The following TBCK variants were observed in gnomAD, a reference collection of about 807,000 sequenced individuals.
TBCK encodes TBC1 domain containing kinase.
Under a neutral mutation model 113.4 loss-of-function variants are expected in TBCK, and 99 were observed. The ratio of observed to expected loss-of-function variants is 0.87; its 90% confidence interval spans 0.74 to 1.03. TBCK has a LOEUF of 1.03. TBCK is among the 50% of genes least tolerant of loss of function. The pLI, the probability that TBCK is intolerant of heterozygous loss-of-function variation, is 0.00. For synonymous variants in TBCK, 369 were observed against 370.8 expected, an observed-to-expected ratio of 1.00 and a Z score of 0.05; for missense variants, 1,045 against 1,061.3, an observed-to-expected ratio of 0.98 and a Z score of 0.21.
chr4:106,100,345 T>C lies in TBCK; in HGVS notation c.2412-4704A>G, dbSNP rs570829482. On this transcript the variant is annotated intron_variant, in intron 24 of 25. Coordinates refer to ENST00000394708, the MANE Select transcript of TBCK (RefSeq NM_001163435.3). The stretch of plus-strand genomic sequence containing the variant: ...GAGTAACTAGTATCGGCAGCAAATA[T>C]GCTAAGGTGCCTTCTGGCCACCCCA... Among the ~76,000 whole-genome samples, 40 of 151,754 alleles carry C rather than the reference T, an allele frequency of 2.6e-4. No individual in the cohort carries two copies. The South Asian group carries it at 8.1e-3, about 31-fold the overall frequency.
chr4:106,254,942 C>A, intron 5 of TBCK: 1 of 163,100 alleles, frequency 6.1e-6, no homozygotes, highest in Non-Finnish European at 1.3e-5. Flanking sequence ...TCAAAACATA[C>A]ATACCTTTTA....
intron 20 of TBCK, among the ~76,000 whole-genome samples, chr4:106,208,094 C>G (rs1018956162): frequency 6.6e-6 from 1 of 152,136 alleles, no homozygotes; most frequent in African/African-American, 2.4e-5. Flanking sequence ...TCCTATCCCA[C>G]AAAGAATTAC....
At chr4:106,292,096 C>A (rs1348644323) in intron 3 of TBCK, among the ~76,000 whole-genome samples, 2 of 152,174 alleles carry the variant, frequency 1.3e-5, no homozygotes, top group African/African-American at 4.8e-5. Flanking sequence ...TCGGTATATG[C>A]AGACACAGCG....
At chr4:106,299,509 A>G (rs1297108886) in intron 2 of TBCK, among the ~76,000 whole-genome samples, 1 of 152,210 alleles carries the variant, frequency 6.6e-6, no homozygotes, top group Non-Finnish European at 1.5e-5. Flanking sequence ...CATCATAAAC[A>G]AGTGTTTGCC....
intron 22 of TBCK, among the ~76,000 whole-genome samples, chr4:106,175,078 G>C (rs922351642): frequency 1.3e-4 from 20 of 149,864 alleles, no homozygotes; most frequent in African/African-American, 4.9e-4. Context: ...AGTGAGCAGT[G>C]ATCACGCCTG....
rs1292625689 is a variant in TBCK at position 106,043,176 on chromosome 4, A to G, written c.*3394T>C. The G allele has an allele frequency of 2.0e-5, 3 of 152,152 alleles. No individual in the cohort carries two copies. Among genetic ancestry groups the G allele is most frequent in the Non-Finnish European group, 4.4e-5 (3 of 68,022 alleles). 9.4% of individuals were successfully genotyped at this position (152,152 alleles called of 1,614,324 possible). A position where few individuals can be genotyped will look rare whatever the true frequency, so the allele number is the denominator to read the frequency against. On this transcript the variant is annotated 3_prime_UTR_variant, in exon 26 of 26. Coordinates refer to ENST00000394708, the MANE Select transcript of TBCK (RefSeq NM_001163435.3). Reference sequence around the variant, plus strand: ...TTTCAAACTTGGTTAAGCATTAGTTATTTTTAATATGCTTTTTGAATCTAA... The same window carrying G: ...TTTCAAACTTGGTTAAGCATTAGTTGTTTTTAATATGCTTTTTGAATCTAA...
At chr4:106,197,341 A>AGTGTGTGTGT (rs34095868) in intron 20 of TBCK, among the ~76,000 whole-genome samples, 119 of 142,342 alleles carry the variant, frequency 8.4e-4, no homozygotes, top group Middle Eastern at 3.5e-3. Context: ...ATTACTGAAG[A>AGTGTGTGTGT]GTGTGTGTGT....
intron 2 of TBCK, among the ~76,000 whole-genome samples, chr4:106,303,037 T>C (rs547266268): frequency 1.3e-5 from 2 of 152,328 alleles, no homozygotes; most frequent in East Asian, 3.9e-4. Context: ...TTCACAGTTC[T>C]CTTTAAGCAA....
chr4:106,304,708 G>C (rs1490859045), intron 2 of TBCK, among the ~76,000 whole-genome samples: 3 of 152,126 alleles, frequency 2.0e-5, no homozygotes, highest in Non-Finnish European at 4.4e-5. Context: ...TAAGGATTTT[G>C]AGTGAAGGCA....
At chr4:106,231,971 A>G (rs1195881801) in intron 17 of TBCK, among the ~76,000 whole-genome samples, 192 bp from the exon 18 acceptor site, 1 of 151,826 alleles carries the variant, frequency 6.6e-6, no homozygotes, top group African/African-American at 2.4e-5. Flanking sequence ...TATGTGTCCA[A>G]TATGAATCAG....
chr4:106,237,544 G>C (rs1463744286), intron 12 of TBCK: 2 of 455,342 alleles, frequency 4.4e-6, no homozygotes, highest in Non-Finnish European at 8.8e-6. Flanking sequence ...TGCTCCTATG[G>C]GGATTGACAT....
At chr4:106,121,903 A>G (rs1312599695) in intron 23 of TBCK, among the ~76,000 whole-genome samples, 1 of 152,204 alleles carries the variant, frequency 6.6e-6, no homozygotes, top group African/African-American at 2.4e-5. Flanking sequence ...ATAGCACTAA[A>G]TGCCCACAAG....
At chr4:106,093,256 C>T (rs1434158649) in intron 25 of TBCK, among the ~76,000 whole-genome samples, 1 of 152,160 alleles carries the variant, frequency 6.6e-6, no homozygotes, top group Non-Finnish European at 1.5e-5. Context: ...CCTGTAATCC[C>T]AGCACTTTGG....
chr4:106,300,828 C>T (rs1292108299), intron 2 of TBCK, among the ~76,000 whole-genome samples: 7 of 152,142 alleles, frequency 4.6e-5, no homozygotes, highest in Non-Finnish European at 8.8e-5. Flanking sequence ...AAGCCAAGTA[C>T]ACTGGCTCAC....
At chr4:106,054,387 T>C (rs574242592) in intron 25 of TBCK, among the ~76,000 whole-genome samples, 1 of 151,810 alleles carries the variant, frequency 6.6e-6, no homozygotes, top group South Asian at 2.1e-4. Context: ...AGTCGGATGA[T>C]ATAACACCCT....
At chr4:106,202,880 G>C (rs995060280) in intron 20 of TBCK, among the ~76,000 whole-genome samples, 1 of 151,970 alleles carries the variant, frequency 6.6e-6, no homozygotes, top group African/African-American at 2.4e-5. Context: ...ATATATGAGA[G>C]TAATATTTGA....
chr4:106,253,812 C>G (rs1193313700), intron 5 of TBCK, among the ~76,000 whole-genome samples: 1 of 152,182 alleles, frequency 6.6e-6, no homozygotes, highest in Non-Finnish European at 1.5e-5. Context: ...CAAGACCACT[C>G]TCATGTTTAG....
In TBCK at chr4:106,122,547, C is replaced by G. The variant is rs1017117108; in HGVS notation, c.2236-6169G>C. Among the ~76,000 whole-genome samples, 59 of 152,308 alleles carry G rather than the reference C, an allele frequency of 3.9e-4. 1 individual carries two copies. The highest frequency in any genetic ancestry group is 1.3e-3 in the African/African-American group (56 of 41,566). On this transcript the variant is annotated intron_variant, in intron 23 of 25. Transcript: ENST00000394708. ...TTATGAGGCCAGCATCATCCTGATACCAAAGCCTGGCAGAGACACAGCAAA... is the reference window on the plus strand; with the variant it reads ...TTATGAGGCCAGCATCATCCTGATAGCAAAGCCTGGCAGAGACACAGCAAA...
At chr4:106,194,787 TA>T in intron 20 of TBCK, 33 bp from the exon 21 acceptor site, 2 of 1,532,758 alleles carry the variant, frequency 1.3e-6, no homozygotes, top group Non-Finnish European at 1.8e-6. Context: ...AGGGAATGGA[TA>T]AAAAGGAAAT....
Sources: gnomAD v4.1 joint callset for allele counts (sites outside exome capture counted in the v4.1 genomes callset) on GRCh38, gnomAD v4.1.1 for gene constraint, MANE v1.5 for transcripts, NCBI Gene and HGNC (gene_info 2026-07-23, HGNC 2026-07-21) for gene names.